The following CYP11A1 variants were observed in gnomAD, a reference collection of about 807,000 sequenced individuals.
The protein encoded by CYP11A1 is cholesterol side-chain cleavage enzyme, mitochondrial.
CYP11A1 carries 25 observed loss-of-function variants against 51.9 expected under a neutral mutation model. That is an observed-to-expected ratio of 0.48 (90% confidence interval 0.35 to 0.67). The LOEUF is 0.67. CYP11A1 is among the 30% of genes least tolerant of loss of function. The pLI is 0.00. For missense variants in CYP11A1, 578 were observed against 680.9 expected, an observed-to-expected ratio of 0.85 and a Z score of 1.68; for synonymous variants, 245 against 262.1, an observed-to-expected ratio of 0.93 and a Z score of 0.63.
chr15:74,347,657 A>T (rs1300553586), intron 2 of CYP11A1, among the ~76,000 whole-genome samples: 2 of 152,126 alleles, frequency 1.3e-5, no homozygotes, highest in African/African-American at 4.8e-5. Context: ...CCAGATCTTT[A>T]ATTATTCATT....
At chr15:74,353,514 G>A (rs1267532989) in intron 1 of CYP11A1, among the ~76,000 whole-genome samples, 1 of 152,166 alleles carries the variant, frequency 6.6e-6, no homozygotes, top group African/African-American at 2.4e-5. Context: ...GATAGTGCTG[G>A]AGTACTTATT....
chr15:74,346,370 A>AAAAG (rs945787463), intron 2 of CYP11A1, among the ~76,000 whole-genome samples: 5 of 135,660 alleles, frequency 3.7e-5, no homozygotes, highest in East Asian at 4.2e-4. Flanking sequence ...AAAAAAAAAA[A>AAAAG]AAAGAAAGAA....
rs2060586439 is a variant in CYP11A1 at position 74,337,968 on chromosome 15, C to T, written c.*4G>A. The stretch of plus-strand genomic sequence containing the variant: ...CCCATGTGGCTGCAGGCCATCCTCT[C>T]TGATCACTGCTGGGTTGCTTCCTGG... On this transcript the variant is annotated 3_prime_UTR_variant, in exon 9 of 9. Coordinates refer to ENST00000268053, the MANE Select transcript of CYP11A1 (RefSeq NM_000781.3). 1 of 1,613,786 alleles carries T rather than the reference C, an allele frequency of 6.2e-7. No individual in the cohort carries two copies.
intron 1 of CYP11A1, chr15:74,365,977 C>A (rs1279516256): frequency 2.0e-6 from 2 of 983,666 alleles, no homozygotes; most frequent in South Asian, 4.5e-5. Flanking sequence ...GACCTAGGAC[C>A]TGCGGTGGGG....
intron 1 of CYP11A1, chr15:74,350,040 G>T: frequency 3.1e-6 from 1 of 318,320 alleles, no homozygotes; most frequent in Non-Finnish European, 6.3e-6. Flanking sequence ...AAAGTCTGAG[G>T]ACCACTGAAC....
At position 74,338,803 on chromosome 15, in the gene CYP11A1, C is replaced by T. The variant is rs752867507; in HGVS notation, c.1237-35G>A. ...GGTGATCAGAGGCCTGAGTAAGCCC[C>T]ACTTCCCCACAGCCCTGAGCACAAA... is the stretch of plus-strand genomic sequence containing the variant. On this transcript the variant is annotated intron_variant, in intron 7 of 8. Coordinates refer to ENST00000268053, the MANE Select transcript of CYP11A1 (RefSeq NM_000781.3). The T allele has an allele frequency of 6.9e-6, 11 of 1,592,190 alleles. No homozygotes were observed. In the South Asian group the frequency reaches 1.2e-4, roughly 18 times the overall value.
intron 1 of CYP11A1, among the ~76,000 whole-genome samples, chr15:74,351,178 C>CT (rs1197597611): frequency 2.6e-5 from 4 of 152,018 alleles, no homozygotes; most frequent in East Asian, 1.9e-4. Flanking sequence ...TTTTTTTTCT[C>CT]TTTTTTTGTC....
chr15:74,360,723 T>C (rs1370455548), intron 1 of CYP11A1, among the ~76,000 whole-genome samples: 1 of 151,974 alleles, frequency 6.6e-6, no homozygotes, highest in Non-Finnish European at 1.5e-5. Flanking sequence ...ACCAACATGG[T>C]GAAACCCCCA....
intron 6 of CYP11A1, 68 bp from the exon 7 acceptor site, chr15:74,339,383 C>T: frequency 1.3e-6 from 2 of 1,500,632 alleles, no homozygotes; most frequent in Admixed American, 3.4e-5. Context: ...AGCCCCACAC[C>T]CTGTGTGGCA....
intron 1 of CYP11A1, among the ~76,000 whole-genome samples, chr15:74,352,996 T>A (rs759115415): frequency 1.4e-4 from 22 of 152,248 alleles, no homozygotes; most frequent in Non-Finnish European, 2.2e-4. Context: ...TGTGGAATTG[T>A]TCTTATCTAT....
At chr15:74,365,678 G>A in intron 1 of CYP11A1, 1 of 985,522 alleles carries the variant, frequency 1.0e-6, no homozygotes. Flanking sequence ...AAGAAGATCA[G>A]AAGTTGGACA....
chr15:74,358,958 A>G (rs2060694242), intron 1 of CYP11A1, among the ~76,000 whole-genome samples: 1 of 152,236 alleles, frequency 6.6e-6, no homozygotes, highest in Non-Finnish European at 1.5e-5. Flanking sequence ...GGACTCTGTC[A>G]AGAATAGAGC....
chr15:74,354,862 G>A (rs59062857), intron 1 of CYP11A1, among the ~76,000 whole-genome samples: 9,481 of 152,138 alleles, frequency 0.062, 407 homozygotes, highest in East Asian at 0.18. Context: ...CTCCAGCGCT[G>A]GTCACAGACT....
rs1052474476 is a variant in CYP11A1, at chr15:74,353,577, A to C, written c.270-5522T>G. On this transcript the variant is annotated intron_variant, in intron 1 of 8. Transcript: ENST00000268053. Reference sequence around the variant, plus strand: ...ATTGCACAGGATGTATGATAATATTAGTGAACTTAAGGATACTGAATTGTG... The same window carrying C: ...ATTGCACAGGATGTATGATAATATTCGTGAACTTAAGGATACTGAATTGTG... Among the ~76,000 whole-genome samples, 23 of 152,240 alleles carry C rather than the reference A, an allele frequency of 1.5e-4. 1 individual carries two copies. Among genetic ancestry groups the C allele is most frequent in the African/African-American group, 1.7e-4 (7 of 41,462 alleles).
At chr15:74,338,540 AG>A in intron 8 of CYP11A1, 30 bp downstream of exon 8, 1 of 1,609,358 alleles carries the variant, frequency 6.2e-7, no homozygotes, top group Non-Finnish European at 8.5e-7. Flanking sequence ...GGGCCAGCCC[AG>A]GGTGCCTAGA....
At position 74,343,052 on chromosome 15, in the gene CYP11A1, G is replaced by C. The variant is rs148430549; in HGVS notation, c.915C>G (p.Leu305=). 7.5e-5 allele frequency: 121 copies of C among 1,613,612 alleles called. No individual in the cohort carries two copies. The African/African-American group carries it at 1.5e-3, about 19-fold the overall frequency. The change falls in exon 5 of 9, where the codon CTC becomes CTG. Residue 305 remains leucine, a synonymous_variant. Coordinates refer to ENST00000268053, the MANE Select transcript of CYP11A1 (RefSeq NM_000781.3). Reference sequence around the variant, plus strand: ...CGAAGGACATCTTGCTGTCTCCCAGGAGTCTGTAGAGGATGCCACGGTAAT... The same window carrying C: ...CGAAGGACATCTTGCTGTCTCCCAGCAGTCTGTAGAGGATGCCACGGTAAT... The part of the protein sequence containing the change: ...HHDYRGILYR[L]LGDSKMSFED...
At chr15:74,356,849 G>C (rs528738373) in intron 1 of CYP11A1, among the ~76,000 whole-genome samples, 1 of 152,090 alleles carries the variant, frequency 6.6e-6, no homozygotes, top group Non-Finnish European at 1.5e-5. Context: ...CTCCCTCCTT[G>C]GTGACTGATC....
intron 1 of CYP11A1, among the ~76,000 whole-genome samples, chr15:74,358,751 G>A (rs1309264830): frequency 6.6e-6 from 1 of 152,142 alleles, no homozygotes; most frequent in Non-Finnish European, 1.5e-5. Flanking sequence ...TAATTCCTCG[G>A]TTTGGCCTTC....
intron 1 of CYP11A1, among the ~76,000 whole-genome samples, chr15:74,349,741 G>A (rs115972554): frequency 0.019 from 2,828 of 151,280 alleles, 73 homozygotes; most frequent in African/African-American, 0.064. Context: ...TAAAGAACCC[G>A]CGAAAAAAAA....
Sources: allele counts gnomAD v4.1 joint callset (sites outside exome capture counted in the v4.1 genomes callset), GRCh38; gene constraint gnomAD v4.1.1; transcripts MANE v1.5; gene names NCBI Gene and HGNC (gene_info 2026-07-23, HGNC 2026-07-21).